MYO10: variants seen among roughly 807,000 people sequenced by gnomAD.
MYO10 encodes unconventional myosin-X.
A neutral mutation model predicts 257.3 loss-of-function variants in MYO10; 133 were observed. That is an observed-to-expected ratio of 0.52 (90% CI 0.45 to 0.60). The LOEUF is 0.60. MYO10 is among the 20% of genes least tolerant of loss of function. MYO10 has a pLI of 0.00. For synonymous variants in MYO10, 1,104 were observed against 1,028.6 expected (o/e 1.07, Z -1.40); for missense variants, 2,399 against 2,635.7 (o/e 0.91, Z 1.97).
At chr5:16,838,063 G>C (rs1004823477) in intron 2 of MYO10, among the ~76,000 whole-genome samples, 5 of 151,906 alleles carry the variant, frequency 3.3e-5, no homozygotes, top group Non-Finnish European at 7.4e-5. Context: ...CCCTCTCCTG[G>C]GGCCTTCATA....
chr5:16,826,259 T>C (rs1376775128), intron 2 of MYO10, among the ~76,000 whole-genome samples: 1 of 152,132 alleles, frequency 6.6e-6, no homozygotes, highest in African/African-American at 2.4e-5. Flanking sequence ...CCTAGATCTA[T>C]GCTACCTATA....
intron 1 of MYO10, among the ~76,000 whole-genome samples, chr5:16,891,717 C>CT (rs1745067018): frequency 6.6e-6 from 1 of 152,150 alleles, no homozygotes; most frequent in Non-Finnish European, 1.5e-5. Context: ...CATTCACTCC[C>CT]TGGAATCCGT....
chr5:16,779,589 CT>C lies in MYO10; in HGVS notation c.885del (p.Glu296LysfsTer20). On this transcript the variant is annotated frameshift_variant, in exon 9 of 41. Transcript: ENST00000513610. LOFTEE classifies it high-confidence loss of function. ...NYHYLNQSGC[V>X]EDKTISDQES... Reference sequence around the variant, plus strand: ...TCCTGGTCACTGATTGTCTTGTCTTCTACACATCCAGACTGATTCAAGTAGT... The same window carrying C: ...TCCTGGTCACTGATTGTCTTGTCTTCACACATCCAGACTGATTCAAGTAGT... 1 of 1,597,888 alleles carries C rather than the reference CT, an allele frequency of 6.3e-7. No individual in the cohort carries two copies. The highest frequency in any genetic ancestry group is 8.5e-7 in the Non-Finnish European group (1 of 1,175,488).
At chr5:16,719,990 G>A (rs994894964) in intron 19 of MYO10, among the ~76,000 whole-genome samples, 76 of 4,350 alleles carry the variant, frequency 0.017, no homozygotes, top group African/African-American at 0.073. Flanking sequence ...GTGTGCGTGC[G>A]TGTGTGTGTG....
chr5:16,740,314 G>A (rs1459935119), intron 19 of MYO10, among the ~76,000 whole-genome samples: 10 of 151,996 alleles, frequency 6.6e-5, no homozygotes, highest in Non-Finnish European at 1.0e-4. Flanking sequence ...GGGGCTGCCC[G>A]TGAAAACGTT....
At chr5:16,767,167 C>CTTTTT (rs35242676) in intron 10 of MYO10, among the ~76,000 whole-genome samples, 1 of 105,320 alleles carries the variant, frequency 9.5e-6, no homozygotes, top group Non-Finnish European at 1.9e-5. Flanking sequence ...ACCCAACTGT[C>CTTTTT]TTTTTTTTTT....
At chr5:16,777,297 G>A (rs2126665166) in intron 9 of MYO10, among the ~76,000 whole-genome samples, 1 of 152,268 alleles carries the variant, frequency 6.6e-6, no homozygotes, top group South Asian at 2.1e-4. Flanking sequence ...ATAAATGGCA[G>A]GTTGTGACAT....
At chr5:16,710,251 TGA>T (rs1245105852) in intron 21 of MYO10, among the ~76,000 whole-genome samples, 1 of 152,098 alleles carries the variant, frequency 6.6e-6, no homozygotes, top group African/African-American at 2.4e-5. Flanking sequence ...GGGTGGGGAA[TGA>T]GAGTGGAAGC....
chr5:16,726,277 C>A (rs1020134516), intron 19 of MYO10, among the ~76,000 whole-genome samples: 2 of 152,166 alleles, frequency 1.3e-5, no homozygotes, highest in Non-Finnish European at 2.9e-5. Context: ...ATGTATGGAT[C>A]TCTATGGTGG....
chr5:16,752,328 G>C (rs900356538), intron 19 of MYO10, among the ~76,000 whole-genome samples: 25 of 152,098 alleles, frequency 1.6e-4, no homozygotes, highest in Admixed American at 4.6e-4. Flanking sequence ...TATTCCACAG[G>C]CTGGAGTGCA....
At chr5:16,840,036 G>A (rs17707735) in intron 2 of MYO10, among the ~76,000 whole-genome samples, 29,400 of 152,108 alleles carry the variant, frequency 0.19, 2,820 homozygotes, top group East Asian at 0.28. Context: ...GGGCTGACCT[G>A]TATATGTGAG....
intron 10 of MYO10, among the ~76,000 whole-genome samples, 180 bp from the exon 11 acceptor site, chr5:16,766,378 C>G (rs1740867149): frequency 6.6e-6 from 1 of 152,230 alleles, no homozygotes. Context: ...GAGCCTCGTG[C>G]TTGGACGAAG....
chr5:16,701,628 G>A lies in MYO10; in HGVS notation c.2767C>T (p.Arg923Trp), dbSNP rs762812310. The A allele has an allele frequency of 2.2e-5, 35 of 1,613,424 alleles. No individual in the cohort carries two copies. In the Admixed American group the frequency reaches 3.7e-4, roughly 17 times the overall value. ...EASLQKLQER[R>W]DQELRRLEEE... ...TCCAGCCTGCGGAGCTCCTGGTCCC[G>A]CCGCTCCTGCAGCTTCTGCAGGGAA... Residue 923 changes from arginine (R) to tryptophan (W), a missense_variant, in exon 25 of 41, where the codon CGG becomes TGG. Physicochemically the swap from Arg to Trp is moderately radical, Grantham distance 101. Coordinates refer to ENST00000513610, the MANE Select transcript of MYO10 (RefSeq NM_012334.3). This position sits in a 1 kb window ranked among gnomAD's most constrained non-coding sequence, Gnocchi z 8.1.
intron 1 of MYO10, 40 bp downstream of exon 1, chr5:16,935,748 C>T: frequency 6.2e-7 from 1 of 1,613,226 alleles, no homozygotes; most frequent in Non-Finnish European, 8.5e-7. Flanking sequence ...GCCTCTCTCC[C>T]TGGGCTCCGG....
At chr5:16,697,675 G>A (rs954843159) in intron 26 of MYO10, among the ~76,000 whole-genome samples, 1 of 148,286 alleles carries the variant, frequency 6.7e-6, no homozygotes, top group Non-Finnish European at 1.5e-5. Flanking sequence ...TCCAGCCTGG[G>A]CAACAGAGCA....
At chr5:16,679,298 G>A (rs928386951) in intron 33 of MYO10, among the ~76,000 whole-genome samples, 1 of 152,128 alleles carries the variant, frequency 6.6e-6, no homozygotes, top group Non-Finnish European at 1.5e-5. Context: ...CAAAGCAGGT[G>A]GTCCCCCACG....
At chr5:16,721,644 T>C (rs1364252048) in intron 19 of MYO10, among the ~76,000 whole-genome samples, 1 of 152,178 alleles carries the variant, frequency 6.6e-6, no homozygotes, top group Non-Finnish European at 1.5e-5. Context: ...TTGTAGGGTC[T>C]GGAAATTTCT....
chr5:16,748,664 G>A (rs1740290551), intron 19 of MYO10, among the ~76,000 whole-genome samples: 1 of 151,934 alleles, frequency 6.6e-6, no homozygotes, highest in Admixed American at 6.6e-5. Context: ...GCAGCACCTG[G>A]ATTACATAAA....
chr5:16,781,493 C>T (rs1421763801), intron 6 of MYO10, among the ~76,000 whole-genome samples: 1 of 152,144 alleles, frequency 6.6e-6, no homozygotes, highest in Non-Finnish European at 1.5e-5. Flanking sequence ...CTCAGCCTCC[C>T]AAGTAGCTGT....
Sources: allele counts gnomAD v4.1 joint callset (sites outside exome capture counted in the v4.1 genomes callset), GRCh38; gene constraint gnomAD v4.1.1; non-coding constraint Gnocchi (gnomAD v3.1); transcripts MANE v1.5; gene names NCBI Gene and HGNC (gene_info 2026-07-23, HGNC 2026-07-21).